LIPJ: variants seen among roughly 807,000 people sequenced by gnomAD.
The protein encoded by LIPJ is lipase family member J.
A neutral mutation model predicts 39.8 loss-of-function variants in LIPJ; 33 were observed. The ratio of observed to expected loss-of-function variants is 0.83; its 90% CI spans 0.63 to 1.11. LIPJ has a LOEUF of 1.11. Ranked by LOEUF, LIPJ falls within the 50% of genes least tolerant of loss-of-function variation. LIPJ has a pLI of 0.00. For synonymous variants in LIPJ, 128 were observed against 139.2 expected (o/e 0.92, Z 0.57); for missense variants, 422 against 427.9 (o/e 0.99, Z 0.12).
intron 2 of LIPJ, among the ~76,000 whole-genome samples, chr10:88,590,227 G>C (rs971884156): frequency 2.0e-5 from 3 of 151,598 alleles, no homozygotes; most frequent in Non-Finnish European, 4.4e-5. Flanking sequence ...ATAAATGTTA[G>C]GCTGGTAATA....
At chr10:88,618,669 G>T in the LIPJ span, 3 of 154,212 alleles carry the variant, frequency 1.9e-5, no homozygotes, top group South Asian at 5.6e-4. Context: ...TGACCCTGAT[G>T]ACAAATGCCA....
the LIPJ span, among the ~76,000 whole-genome samples, chr10:88,616,591 C>T: frequency 2.6e-5 from 4 of 152,228 alleles, no homozygotes; most frequent in African/African-American, 9.6e-5. Context: ...ACAAGGAGGA[C>T]TTCCATGGGA....
intron 7 of LIPJ, 54 bp from the exon 8 acceptor site, chr10:88,596,736 C>A (rs1851266258): frequency 1.4e-6 from 2 of 1,410,600 alleles, no homozygotes; most frequent in Non-Finnish European, 9.8e-7. Flanking sequence ...CACAACATTT[C>A]TTTAGCACTT....
chr10:88,604,716 G>A (rs1194947502), intron 9 of LIPJ, among the ~76,000 whole-genome samples: 1 of 152,118 alleles, frequency 6.6e-6, no homozygotes, highest in Non-Finnish European at 1.5e-5. Context: ...TGGAGGAAAG[G>A]TAAAATAAGT....
chr10:88,617,100 AC>A, the LIPJ span, among the ~76,000 whole-genome samples: 11 of 152,248 alleles, frequency 7.2e-5, no homozygotes, highest in Non-Finnish European at 8.8e-5. Flanking sequence ...AAACAAACAA[AC>A]AAAAACCAGA....
chr10:88,608,508 A>G (rs1366193466), downstream of LIPJ, among the ~76,000 whole-genome samples: 1 of 152,236 alleles, frequency 6.6e-6, no homozygotes, highest in Admixed American at 6.5e-5. Flanking sequence ...TGAATACTGC[A>G]TAACTTCCGG....
At chr10:88,611,828 T>C (rs1273333407), downstream of LIPJ, among the ~76,000 whole-genome samples, 1 of 152,148 alleles carries the variant, frequency 6.6e-6, no homozygotes, top group East Asian at 1.9e-4. Context: ...AATCTAAAAG[T>C]TTGGAAAACA....
At chr10:88,583,146 C>G, upstream of LIPJ, 1 of 1,614,098 alleles carries the variant, frequency 6.2e-7, no homozygotes, top group South Asian at 1.1e-5. Flanking sequence ...GCGCAGCGCA[C>G]AAGCTTCCTG....
the LIPJ span, among the ~76,000 whole-genome samples, chr10:88,614,865 T>G: frequency 6.6e-6 from 1 of 152,096 alleles, no homozygotes; most frequent in African/African-American, 2.4e-5. Flanking sequence ...CGAAATAAAC[T>G]AGAGAGTCTA....
At chr10:88,594,837 C>A in intron 6 of LIPJ, 61 bp downstream of exon 6, 1 of 752,432 alleles carries the variant, frequency 1.3e-6, no homozygotes, top group South Asian at 2.5e-5. Flanking sequence ...TGTGCATATA[C>A]TTCTTAAAGT....
intron 8 of LIPJ, among the ~76,000 whole-genome samples, chr10:88,599,263 T>C (rs1219909707): frequency 6.6e-6 from 1 of 151,878 alleles, no homozygotes; most frequent in Non-Finnish European, 1.5e-5. Context: ...CACATAGTCA[T>C]ATTTTTGGTG....
At chr10:88,602,628 A>C (rs1200902364) in exon 9 of LIPJ, 1 of 1,592,488 alleles carries the variant, frequency 6.3e-7, no homozygotes, top group Non-Finnish European at 8.6e-7. Flanking sequence ...TCTGTTCAAA[A>C]TATGCTTCAT....
chr10:88,593,884 T>A (rs1026875062), intron 4 of LIPJ, 62 bp from the exon 5 acceptor site: 1 of 1,419,426 alleles, frequency 7.0e-7, no homozygotes, highest in Non-Finnish European at 9.7e-7. Context: ...GAATTTCAGA[T>A]AAAAGATTTT....
intron 5 of LIPJ, 129 bp from the exon 6 acceptor site, chr10:88,594,538 T>C (rs1851189028): frequency 2.0e-6 from 1 of 501,470 alleles, no homozygotes; most frequent in East Asian, 3.2e-5. Context: ...AGATATATTA[T>C]ACCGTATAAC....
chr10:88,598,963 A>T (rs28533719), intron 8 of LIPJ, among the ~76,000 whole-genome samples: 14 of 114,902 alleles, frequency 1.2e-4, no homozygotes, highest in African/African-American at 4.8e-4. Flanking sequence ...TAATAATATA[A>T]TATATTATAT....
the LIPJ span, among the ~76,000 whole-genome samples, chr10:88,615,085 A>T: frequency 3.3e-5 from 5 of 152,312 alleles, no homozygotes; most frequent in East Asian, 9.6e-4. Flanking sequence ...AAAACATAAT[A>T]TTTTCAAGAA....
downstream of LIPJ, among the ~76,000 whole-genome samples, chr10:88,608,303 A>G (rs1347125457): frequency 6.6e-6 from 1 of 152,112 alleles, no homozygotes; most frequent in Non-Finnish European, 1.5e-5. Context: ...CTATGTTACC[A>G]CCTACTCTGG....
intron 4 of LIPJ, chr10:88,592,244 T>A (rs1238412998): frequency 1.3e-5 from 2 of 151,908 alleles, no homozygotes; most frequent in East Asian, 3.9e-4. Flanking sequence ...TCAATTAACA[T>A]AATTTTGCAT....
At chr10:88,594,398 C>T (rs915437728) in intron 5 of LIPJ, 2 of 496,030 alleles carry the variant, frequency 4.0e-6, no homozygotes, top group African/African-American at 3.9e-5. Flanking sequence ...CCTTTAACTA[C>T]TCTTCTACTC....
Sources: allele counts gnomAD v4.1 joint callset (sites outside exome capture counted in the v4.1 genomes callset), GRCh38; gene constraint gnomAD v4.1.1; transcripts MANE v1.5; gene names NCBI Gene and HGNC (gene_info 2026-07-23, HGNC 2026-07-21).